Variants in SH3GL2 observed in about 807,000 individuals in gnomAD.
The protein encoded by SH3GL2 is SH3 domain containing GRB2 like 2, endophilin A1, also known as endophilin-A1.
A neutral mutation model predicts 46.0 loss-of-function variants in SH3GL2; 24 were observed. The observed-to-expected ratio is 0.52, with a 90% CI of 0.38 to 0.73. The LOEUF (loss-of-function observed/expected upper bound fraction) is 0.73, where lower values mean the gene tolerates loss of function less well. Among genes scored for constraint, SH3GL2 ranks in the 30% least tolerant of loss-of-function variants. The pLI, the probability that SH3GL2 is intolerant of heterozygous loss-of-function variation, is 0.00. For missense variants in SH3GL2, 413 were observed against 424.2 expected (o/e 0.97, Z 0.23); for synonymous variants, 196 against 147.1 (o/e 1.33, Z -2.40).
intron 1 of SH3GL2, among the ~76,000 whole-genome samples, chr9:17,726,097 C>T: frequency 6.6e-6 from 1 of 152,120 alleles, no homozygotes; most frequent in East Asian, 1.9e-4. Context: ...AGGAAAATTT[C>T]CAGAAACTTT....
chr9:17,776,990 G>A (rs1341509592), intron 3 of SH3GL2, among the ~76,000 whole-genome samples: 2 of 152,164 alleles, frequency 1.3e-5, no homozygotes, highest in East Asian at 1.9e-4. Flanking sequence ...TAGCTCCCAC[G>A]GATAGGGAGG....
At chr9:17,790,405 C>T (rs1179391517) in intron 6 of SH3GL2, 9 of 983,408 alleles carry the variant, frequency 9.2e-6, no homozygotes, top group Admixed American at 6.1e-5. Context: ...TTGCCTTACT[C>T]CTGACTGTGG....
At chr9:17,592,688 G>T (rs888357505) in intron 1 of SH3GL2, among the ~76,000 whole-genome samples, 4 of 152,132 alleles carry the variant, frequency 2.6e-5, no homozygotes, top group African/African-American at 9.7e-5. Flanking sequence ...TGTTCTTAAG[G>T]ACCATGGTAT....
chr9:17,651,110 T>G lies in SH3GL2; in HGVS notation c.45+71823T>G, dbSNP rs570128801. On this transcript the variant is annotated intron_variant, in intron 1 of 8. Transcript: ENST00000380607. ...GTTTTTTCATTAGTTTTTACTGTTC[T>G]TAATTCCTAAGACATAATGAATTTT... is the stretch of plus-strand genomic sequence containing the variant. 8.0e-4 allele frequency among the ~76,000 whole-genome samples: 122 copies of G among 152,330 alleles called. 1 individual carries two copies. The highest frequency in any genetic ancestry group is 2.9e-3 in the African/African-American group (119 of 41,578).
At chr9:17,659,346 C>A (rs1452626314) in intron 1 of SH3GL2, among the ~76,000 whole-genome samples, 1 of 152,062 alleles carries the variant, frequency 6.6e-6, no homozygotes, top group African/African-American at 2.4e-5. Context: ...GATGCTGTTG[C>A]TATAGGATGA....
intron 1 of SH3GL2, among the ~76,000 whole-genome samples, chr9:17,688,303 G>A (rs182308738): frequency 3.9e-5 from 6 of 151,918 alleles, no homozygotes; most frequent in Admixed American, 1.3e-4. Flanking sequence ...TTCTGTTTAC[G>A]TAGTATTTTC....
intron 8 of SH3GL2, among the ~76,000 whole-genome samples, chr9:17,793,733 A>G (rs1824197632): frequency 6.6e-6 from 1 of 151,566 alleles, no homozygotes; most frequent in African/African-American, 2.4e-5. Context: ...TGTATATCCC[A>G]TTTTCTCTGT....
intron 1 of SH3GL2, among the ~76,000 whole-genome samples, chr9:17,604,873 G>A (rs1271016162): frequency 1.3e-5 from 2 of 152,088 alleles, no homozygotes; most frequent in African/African-American, 4.8e-5. Flanking sequence ...GGGGTCACCG[G>A]ACTTCTCTAG....
intron 1 of SH3GL2, among the ~76,000 whole-genome samples, chr9:17,666,749 G>A (rs961846466): frequency 1.3e-4 from 20 of 152,008 alleles, no homozygotes; most frequent in African/African-American, 4.8e-4. Flanking sequence ...TATAATATTG[G>A]AGGTGAATAT....
intron 3 of SH3GL2, among the ~76,000 whole-genome samples, chr9:17,774,979 G>T (rs1315623539): frequency 6.6e-6 from 1 of 152,126 alleles, no homozygotes; most frequent in Non-Finnish European, 1.5e-5. Flanking sequence ...GGTCTGTTCA[G>T]ATTTTCTATT....
chr9:17,645,696 G>T (rs1819797840), intron 1 of SH3GL2, among the ~76,000 whole-genome samples: 1 of 152,096 alleles, frequency 6.6e-6, no homozygotes, highest in South Asian at 2.1e-4. Context: ...GTTGAATATT[G>T]GCCCCCACTG....
Position 17,791,411 on chromosome 9 carries a change from A to G in SH3GL2, c.728+77A>G, listed in dbSNP as rs2131192643. On this transcript the variant is annotated intron_variant, in intron 7 of 8. Coordinates refer to ENST00000380607, the MANE Select transcript of SH3GL2 (RefSeq NM_003026.5). ...ATGTATAAAGAAATGGAAATCATAG[A>G]ATACATTTGGAGACAAACGTCTGCC... is the stretch of plus-strand genomic sequence containing the variant. 2.8e-6 allele frequency: 3 copies of G among 1,067,210 alleles called. No individual in the cohort carries two copies. The East Asian group carries it at 7.2e-5, about 25-fold the overall frequency. 66.1% of individuals were successfully genotyped at this position (1,067,210 alleles called of 1,614,324 possible).
intron 1 of SH3GL2, among the ~76,000 whole-genome samples, chr9:17,651,394 G>T (rs967438359): frequency 5.9e-5 from 9 of 152,088 alleles, no homozygotes; most frequent in Non-Finnish European, 1.0e-4. Flanking sequence ...TTAAAGTTTT[G>T]ACATTTTCTC....
intron 3 of SH3GL2, among the ~76,000 whole-genome samples, chr9:17,765,257 T>G (rs368830817): frequency 1.0e-5 from 1 of 99,688 alleles, no homozygotes; most frequent in Non-Finnish European, 2.1e-5. Flanking sequence ...CATCTTGGGT[T>G]CATGGACAGG....
chr9:17,770,294 G>T (rs1166938017), intron 3 of SH3GL2, among the ~76,000 whole-genome samples: 1 of 152,224 alleles, frequency 6.6e-6, no homozygotes, highest in African/African-American at 2.4e-5. Flanking sequence ...AACTGAAGCT[G>T]CAAGGTGATT....
intron 3 of SH3GL2, among the ~76,000 whole-genome samples, chr9:17,777,187 A>G (rs1823664703): frequency 6.6e-6 from 1 of 152,202 alleles, no homozygotes; most frequent in African/African-American, 2.4e-5. Context: ...CAAGGACTCA[A>G]TAACCATGCA....
At chr9:17,693,234 C>T (rs1821125978) in intron 1 of SH3GL2, among the ~76,000 whole-genome samples, 1 of 152,100 alleles carries the variant, frequency 6.6e-6, no homozygotes, top group South Asian at 2.1e-4. Context: ...TATGTTTGGA[C>T]ACATGGATCA....
At chr9:17,710,030 A>G (rs1276598246) in intron 1 of SH3GL2, among the ~76,000 whole-genome samples, 1 of 151,882 alleles carries the variant, frequency 6.6e-6, no homozygotes, top group Non-Finnish European at 1.5e-5. Context: ...TTGGAGTGGA[A>G]TTGTCTGGGA....
chr9:17,637,655 T>G (rs1299430605), intron 1 of SH3GL2, among the ~76,000 whole-genome samples: 1 of 152,242 alleles, frequency 6.6e-6, no homozygotes, highest in African/African-American at 2.4e-5. Context: ...TTTAGGCAAA[T>G]GTCTTGTCCT....
Sources: allele counts gnomAD v4.1 joint callset (sites outside exome capture counted in the v4.1 genomes callset), GRCh38; gene constraint gnomAD v4.1.1; transcripts MANE v1.5; gene names NCBI Gene and HGNC (gene_info 2026-07-23, HGNC 2026-07-21).